PARD3B: variants seen among roughly 807,000 people sequenced by gnomAD.
The protein encoded by PARD3B is par-3 family cell polarity regulator beta, also known as partitioning defective 3 homolog B.
PARD3B carries 103 observed loss-of-function variants against 130.2 expected under a neutral mutation model. The observed-to-expected ratio is 0.79, with a 90% CI of 0.67 to 0.93. PARD3B has a LOEUF of 0.93. Ranked by LOEUF, PARD3B falls within the 40% of genes least tolerant of loss-of-function variation. PARD3B has a pLI of 0.00. For synonymous variants in PARD3B, 583 were observed against 553.2 expected (o/e 1.05, Z -0.76); for missense variants, 1,609 against 1,499.2 (o/e 1.07, Z -1.21).
chr2:205,249,482 C>A (rs1321520611), intron 16 of PARD3B, among the ~76,000 whole-genome samples: 1 of 151,992 alleles, frequency 6.6e-6, no homozygotes, highest in Non-Finnish European at 1.5e-5. Context: ...ATTTTTGGTA[C>A]CCTTTTCTTG....
At chr2:205,487,532 T>C (rs2049493213) in intron 20 of PARD3B, among the ~76,000 whole-genome samples, 1 of 152,208 alleles carries the variant, frequency 6.6e-6, no homozygotes, top group South Asian at 2.1e-4. Context: ...CTTAAAATTG[T>C]GTGGTCCATT....
At position 204,859,388 on chromosome 2, in the gene PARD3B, A is replaced by G. The variant is rs112616213; in HGVS notation, c.223-105764A>G. 9.2e-3 allele frequency among the ~76,000 whole-genome samples: 1,395 copies of G among 152,284 alleles called. 15 individuals are homozygous for G. The highest frequency in any genetic ancestry group is 0.044 in the Middle Eastern group (13 of 294). On this transcript the variant is annotated intron_variant, in intron 2 of 22. Transcript: ENST00000406610. ...GCCATATACCCCAACATCAAGATCT[A>G]TGGTCTACAAAGCTAAAAGATGTAA... is the stretch of plus-strand genomic sequence containing the variant.
intron 10 of PARD3B, among the ~76,000 whole-genome samples, chr2:205,156,321 G>A (rs1367420649): frequency 4.0e-5 from 6 of 151,062 alleles, no homozygotes; most frequent in Non-Finnish European, 7.4e-5. Context: ...TAAATGACGA[G>A]TTAATGGGTG....
At chr2:204,804,945 C>T (rs2042710257) in intron 2 of PARD3B, among the ~76,000 whole-genome samples, 1 of 151,482 alleles carries the variant, frequency 6.6e-6, no homozygotes, top group Non-Finnish European at 1.5e-5. Flanking sequence ...ACAGAACATA[C>T]CAAAACTTAT....
intron 15 of PARD3B, among the ~76,000 whole-genome samples, chr2:205,231,253 T>C (rs1226009722): frequency 6.6e-6 from 1 of 152,128 alleles, no homozygotes; most frequent in African/African-American, 2.4e-5. Flanking sequence ...TAAGTGGTCT[T>C]AGGGCCATTG....
intron 20 of PARD3B, among the ~76,000 whole-genome samples, chr2:205,490,854 T>C (rs1246964785): frequency 6.6e-6 from 1 of 152,260 alleles, no homozygotes; most frequent in Non-Finnish European, 1.5e-5. Context: ...TGCATTTCTC[T>C]GATGGCCAGT....
chr2:204,941,798 GT>G (rs906944272), intron 2 of PARD3B, among the ~76,000 whole-genome samples: 1 of 151,418 alleles, frequency 6.6e-6, no homozygotes, highest in East Asian at 2.0e-4. Flanking sequence ...AATTTCATTG[GT>G]TTTTTTTAGA....
rs373200193 is a variant in PARD3B, at chr2:205,466,999, C to T, written c.3044+26327C>T. ...AAGTGCTGGGATCACAGGCGTGAGC[C>T]ACAACGCCCAACCAGGCTTGGTATT... On this transcript the variant is annotated intron_variant, in intron 20 of 22. Coordinates refer to ENST00000406610, the MANE Select transcript of PARD3B (RefSeq NM_001302769.2). 4.6e-5 allele frequency among the ~76,000 whole-genome samples: 7 copies of T among 152,364 alleles called. 1 individual carries two copies. In the South Asian group the frequency reaches 1.5e-3, roughly 32 times the overall value.
chr2:204,795,698 G>A (rs753514103), intron 2 of PARD3B, among the ~76,000 whole-genome samples: 4 of 152,130 alleles, frequency 2.6e-5, no homozygotes, highest in Admixed American at 6.5e-5. Flanking sequence ...ACACATTTCT[G>A]AACTCCATTT....
intron 3 of PARD3B, among the ~76,000 whole-genome samples, chr2:205,029,954 C>G (rs933910060): frequency 1.3e-5 from 2 of 152,122 alleles, no homozygotes; most frequent in East Asian, 1.9e-4. Context: ...AGCTTTGGAG[C>G]TATTTTTCCC....
At chr2:205,018,291 C>A (rs1221641715) in intron 3 of PARD3B, among the ~76,000 whole-genome samples, 1 of 152,070 alleles carries the variant, frequency 6.6e-6, no homozygotes, top group Non-Finnish European at 1.5e-5. Context: ...TATGATATAT[C>A]TGTATAATTT....
intron 21 of PARD3B, among the ~76,000 whole-genome samples, chr2:205,542,698 A>G (rs576278930): frequency 3.9e-4 from 59 of 152,228 alleles, no homozygotes; most frequent in African/African-American, 1.4e-3. Context: ...ATCTTATTGT[A>G]TACGGTTCCT....
intron 2 of PARD3B, among the ~76,000 whole-genome samples, chr2:204,914,252 A>C (rs2047358502): frequency 6.6e-6 from 1 of 152,048 alleles, no homozygotes; most frequent in Admixed American, 6.5e-5. Flanking sequence ...CTTTTCACCC[A>C]ATAAATTCCA....
intron 3 of PARD3B, among the ~76,000 whole-genome samples, chr2:205,041,906 AC>A (rs1698419816): frequency 6.6e-6 from 1 of 151,020 alleles, no homozygotes; most frequent in Non-Finnish European, 1.5e-5. Context: ...ATCCTTCAAA[AC>A]CCCCAAACAT....
At chr2:205,120,083 C>T (rs185832771) in intron 7 of PARD3B, among the ~76,000 whole-genome samples, 1 of 151,376 alleles carries the variant, frequency 6.6e-6, no homozygotes, top group Non-Finnish European at 1.5e-5. Flanking sequence ...GGTTGTGGGT[C>T]GAGGAAAAGT....
At chr2:205,306,099 T>G (rs1349346816) in intron 18 of PARD3B, among the ~76,000 whole-genome samples, 3 of 152,176 alleles carry the variant, frequency 2.0e-5, no homozygotes, top group African/African-American at 7.2e-5. Context: ...CAGAGAAATG[T>G]AGTGCTGCTG....
At chr2:205,139,542 A>G (rs187557597) in intron 10 of PARD3B, among the ~76,000 whole-genome samples, 4 of 152,318 alleles carry the variant, frequency 2.6e-5, no homozygotes, top group African/African-American at 7.2e-5. Flanking sequence ...ATAAATAAGT[A>G]TTAATGCAAT....
intron 12 of PARD3B, among the ~76,000 whole-genome samples, chr2:205,173,316 T>C (rs1472425695): frequency 6.6e-6 from 1 of 152,234 alleles, no homozygotes; most frequent in Non-Finnish European, 1.5e-5. Flanking sequence ...GTGGGGCTCA[T>C]TGTAGTTAAA....
Position 205,142,036 on chromosome 2 carries a change from G to A in PARD3B, c.1434+16299G>A, listed in dbSNP as rs1277336466. Among the ~76,000 whole-genome samples, 2 of 152,094 alleles carry A rather than the reference G, an allele frequency of 1.3e-5. No homozygotes were observed. The highest frequency in any genetic ancestry group is 2.9e-5 in the Non-Finnish European group (2 of 68,010). ...AGTGGCATAAACATAAAAATGGAGT[G>A]GTCTCTGTTGCCCTTAAAGTCCTTA... is the stretch of plus-strand genomic sequence containing the variant. On this transcript the variant is annotated intron_variant, in intron 10 of 22. Coordinates refer to ENST00000406610, the MANE Select transcript of PARD3B (RefSeq NM_001302769.2). This position sits in a 1 kb window ranked among gnomAD's most constrained non-coding sequence, Gnocchi z 4.3.
Sources: allele counts gnomAD v4.1 joint callset (sites outside exome capture counted in the v4.1 genomes callset), GRCh38; gene constraint gnomAD v4.1.1; non-coding constraint Gnocchi (gnomAD v3.1); transcripts MANE v1.5; gene names NCBI Gene and HGNC (gene_info 2026-07-23, HGNC 2026-07-21).